NUP133: variants seen among roughly 807,000 people sequenced by gnomAD.
NUP133 encodes nuclear pore complex protein Nup133.
A neutral mutation model predicts 146.2 loss-of-function variants in NUP133; 66 were observed. The ratio of observed to expected loss-of-function variants is 0.45; its 90% CI spans 0.37 to 0.55. The LOEUF (loss-of-function observed/expected upper bound fraction) is 0.55. NUP133 is among the 20% of genes least tolerant of loss of function. The pLI is 0.00. For missense variants in NUP133, 1,277 were observed against 1,374.8 expected (o/e 0.93, Z 1.12); for synonymous variants, 521 against 498.8 (o/e 1.04, Z -0.59).
chr1:229,493,920 C>T (rs142446304), intron 8 of NUP133, among the ~76,000 whole-genome samples: 120 of 152,274 alleles, frequency 7.9e-4, no homozygotes, highest in African/African-American at 2.7e-3. Flanking sequence ...ATCACGAGGT[C>T]AGGAGTTCAA....
At chr1:229,466,832 C>T (rs529344609) in intron 15 of NUP133, 76 bp from the exon 16 acceptor site, 2 of 1,429,692 alleles carry the variant, frequency 1.4e-6, no homozygotes, top group South Asian at 1.2e-5. Context: ...GTGAGTTTTA[C>T]TCATTAAGCC....
At position 229,506,158 on chromosome 1, in the gene NUP133, C is replaced by T. The variant is rs1161184895; in HGVS notation, c.183G>A (p.Arg61=). The change falls in exon 2 of 26, where the codon CGG becomes CGA. Residue 61 remains arginine, a splice_region_variant and synonymous_variant. Coordinates refer to ENST00000261396, the MANE Select transcript of NUP133 (RefSeq NM_018230.3). ...GTGGGAACATTCGTGTTGGTGTTCC[C>T]CTAAAGAAAAGAGTCTATATTACCT... is the stretch of plus-strand genomic sequence containing the variant. ...PVGRRSSLSS[R]GTPTRMFPHH... is the part of the protein sequence containing the mutation. 6.3e-7 allele frequency: 1 copy of T among 1,578,730 alleles called. No individual in the cohort carries two copies. The highest frequency in any genetic ancestry group is 2.2e-5 in the East Asian group (1 of 44,554).
At chr1:229,496,495 C>A (rs1007835536) in intron 6 of NUP133, among the ~76,000 whole-genome samples, 4 of 151,890 alleles carry the variant, frequency 2.6e-5, no homozygotes, top group South Asian at 2.1e-4. Flanking sequence ...ACAAAACAAA[C>A]CAGAAATGAG....
intron 2 of NUP133, among the ~76,000 whole-genome samples, chr1:229,502,993 C>A (rs1481959334): frequency 1.3e-5 from 2 of 151,644 alleles, no homozygotes; most frequent in Admixed American, 6.6e-5. Context: ...AGAGGCCAGG[C>A]AGGGTGGCTC....
chr1:229,493,859 G>A (rs373981031), intron 8 of NUP133, among the ~76,000 whole-genome samples: 3 of 152,202 alleles, frequency 2.0e-5, no homozygotes, highest in Admixed American at 6.5e-5. Flanking sequence ...ATGGCCAGGC[G>A]TGGTGGCTGA....
rs544855239 is a variant in NUP133 at position 229,486,964 on chromosome 1, CCT to C, written c.1343-438_1343-437del. ...GGCACCTTAGTAACATCCTACCCAC[CCT>C]CTGTCAAGGTTCTTGTGCTGGGACT... On this transcript the variant is annotated intron_variant, in intron 10 of 25. Coordinates refer to ENST00000261396, the MANE Select transcript of NUP133 (RefSeq NM_018230.3). 4.4e-3 allele frequency among the ~76,000 whole-genome samples: 662 copies of C among 151,662 alleles called. 2 individuals are homozygous for C. Among genetic ancestry groups the C allele is most frequent in the Admixed American group, 8.9e-3 (135 of 15,228 alleles).
chr1:229,470,297 AAAAAAG>A (rs1291614974), intron 15 of NUP133, among the ~76,000 whole-genome samples: 4 of 152,124 alleles, frequency 2.6e-5, no homozygotes, highest in African/African-American at 9.7e-5. Flanking sequence ...CAAAAAAAAA[AAAAAAG>A]AAGATCAGCA....
chr1:229,485,989 C>A (rs539003360), intron 11 of NUP133, among the ~76,000 whole-genome samples: 3 of 152,118 alleles, frequency 2.0e-5, no homozygotes, highest in Non-Finnish European at 4.4e-5. Flanking sequence ...ATAAGGAGAT[C>A]CTGTCTCTAC....
At chr1:229,450,788 C>A (rs761087872) in intron 22 of NUP133, 183 bp from the exon 23 acceptor site, 6 of 314,760 alleles carry the variant, frequency 1.9e-5, no homozygotes, top group Non-Finnish European at 2.9e-5. Context: ...TGCAGTGGCA[C>A]GATCTCAGCT....
intron 1 of NUP133, 71 bp from the exon 2 acceptor site, chr1:229,506,229 T>C: frequency 2.5e-6 from 2 of 815,730 alleles, no homozygotes; most frequent in Non-Finnish European, 3.9e-6. Flanking sequence ...TTTATGTATA[T>C]ATTTTCACAG....
intron 6 of NUP133, 149 bp from the exon 7 acceptor site, chr1:229,496,196 G>A (rs1429161476): frequency 1.7e-5 from 11 of 644,972 alleles, no homozygotes; most frequent in Admixed American, 1.2e-4. Context: ...ATCCTGGGCC[G>A]GGTGTGGTGT....
At chr1:229,453,723 ATTAG>A (rs1660505968) in intron 21 of NUP133, among the ~76,000 whole-genome samples, 1 of 152,222 alleles carries the variant, frequency 6.6e-6, no homozygotes, top group Non-Finnish European at 1.5e-5. Flanking sequence ...TACAGTATGT[ATTAG>A]TTAATTCTGT....
chr1:229,470,298 AAAAAG>A (rs1271401985), intron 15 of NUP133, among the ~76,000 whole-genome samples: 48 of 152,246 alleles, frequency 3.2e-4, no homozygotes, highest in Admixed American at 2.4e-3. Flanking sequence ...AAAAAAAAAA[AAAAAG>A]AAGATCAGCA....
intron 9 of NUP133, 55 bp from the exon 10 acceptor site, chr1:229,487,668 A>T (rs373446545): frequency 1.3e-4 from 145 of 1,143,590 alleles, no homozygotes; most frequent in Middle Eastern, 2.4e-4. Flanking sequence ...AAATATTTGT[A>T]TGATTTTTTA....
intron 23 of NUP133, among the ~76,000 whole-genome samples, chr1:229,450,237 T>C (rs1475658533): frequency 3.9e-5 from 6 of 151,968 alleles, no homozygotes; most frequent in Admixed American, 3.9e-4. Flanking sequence ...CAGAAACTAA[T>C]GACTTAATAA....
chr1:229,470,670 G>C lies in NUP133; in HGVS notation c.1986C>G (p.Asp662Glu). ...VLKNHHSRLSDLVNTAILIAL... is the reference protein window; with the variant it reads ...VLKNHHSRLSELVNTAILIAL... Reference sequence around the variant, plus strand: ...CAATCAATATGGCTGTGTTGACAAGGTCAGAAAGCCGGGAGTGGTGGTTCT... The same window carrying C: ...CAATCAATATGGCTGTGTTGACAAGCTCAGAAAGCCGGGAGTGGTGGTTCT... The change falls in exon 15 of 26, where the codon GAC becomes GAG. Residue 662 changes from aspartate (D) to glutamate (E), a missense_variant. By Grantham distance (45) the Asp-to-Glu change is conservative. Transcript: ENST00000261396. 6.2e-7 allele frequency: 1 copy of C among 1,614,180 alleles called. No homozygotes were observed. Among genetic ancestry groups the C allele is most frequent in the South Asian group, 1.1e-5 (1 of 91,082 alleles).
chr1:229,493,659 A>G (rs541624550), intron 8 of NUP133, among the ~76,000 whole-genome samples: 47 of 152,312 alleles, frequency 3.1e-4, no homozygotes, highest in Admixed American at 5.9e-4. Flanking sequence ...TACTAACTGG[A>G]TAATTTTGAG....
chr1:229,486,965 C>T (rs1661367532), intron 10 of NUP133, among the ~76,000 whole-genome samples: 2 of 150,348 alleles, frequency 1.3e-5, no homozygotes, highest in Non-Finnish European at 3.0e-5. Flanking sequence ...CCTACCCACC[C>T]TCTGTCAAGG....
chr1:229,487,256 T>C (rs1439760947), intron 10 of NUP133, among the ~76,000 whole-genome samples: 2 of 152,212 alleles, frequency 1.3e-5, no homozygotes, highest in African/African-American at 4.8e-5. Context: ...AATGTTACTA[T>C]CTTTGTCTGT....
Sources: allele counts gnomAD v4.1 joint callset (sites outside exome capture counted in the v4.1 genomes callset), GRCh38; gene constraint gnomAD v4.1.1; transcripts MANE v1.5; gene names NCBI Gene and HGNC (gene_info 2026-07-23, HGNC 2026-07-21).